CALD1: variants seen among roughly 807,000 people sequenced by gnomAD.
The protein encoded by CALD1 is caldesmon 1, also known as caldesmon.
A neutral mutation model predicts 99.9 loss-of-function variants in CALD1; 33 were observed. The observed-to-expected ratio is 0.33, with a 90% CI of 0.25 to 0.44. The LOEUF (loss-of-function observed/expected upper bound fraction) is 0.44, where lower values mean the gene tolerates loss of function less well. Ranked by LOEUF, CALD1 falls within the 20% of genes least tolerant of loss-of-function variation. The pLI is 1.00. For missense variants in CALD1, 861 were observed against 962.1 expected, an observed-to-expected ratio of 0.89 and a Z score of 1.39; for synonymous variants, 310 against 325.0, an observed-to-expected ratio of 0.95 and a Z score of 0.50.
At chr7:134,883,285 A>G (rs1801691421) in intron 3 of CALD1, among the ~76,000 whole-genome samples, 1 of 152,220 alleles carries the variant, frequency 6.6e-6, no homozygotes, top group African/African-American at 2.4e-5. Flanking sequence ...TCTACTTTGC[A>G]ACATATTTTA....
chr7:134,800,893 G>A (rs6955888), intron 1 of CALD1, among the ~76,000 whole-genome samples: 46,848 of 151,656 alleles, frequency 0.31, 7,564 homozygotes, highest in African/African-American at 0.36. Flanking sequence ...AAAGTATAAT[G>A]AATACACTAT....
chr7:134,716,897 A>AT, the CALD1 span, among the ~76,000 whole-genome samples: 1 of 152,162 alleles, frequency 6.6e-6, no homozygotes, highest in Non-Finnish European at 1.5e-5. Flanking sequence ...CTGGTCTTCG[A>AT]TTTTTTGTGG....
At chr7:134,920,501 A>G in intron 3 of CALD1, 1 of 1,121,408 alleles carries the variant, frequency 8.9e-7, no homozygotes, top group Non-Finnish European at 1.1e-6. Flanking sequence ...TGTGAGCCCC[A>G]GGCATTCTTC....
Position 134,897,429 on chromosome 7 carries a change from G to A in CALD1, c.71+29625G>A, listed in dbSNP as rs558240992. On this transcript the variant is annotated intron_variant, in intron 3 of 14. Transcript: ENST00000361675. The stretch of plus-strand genomic sequence containing the variant: ...ATTTGAAGCAAATATTTCACAAAAC[G>A]GTGCTCACACTTGCTGTGTACAAAG... Among the ~76,000 whole-genome samples, 5 of 149,138 alleles carry A rather than the reference G, an allele frequency of 3.4e-5. No homozygotes were observed. In the South Asian group the frequency reaches 1.1e-3, roughly 31 times the overall value.
At chr7:134,964,104 G>A (rs185162475) in intron 13 of CALD1, among the ~76,000 whole-genome samples, 3 of 152,320 alleles carry the variant, frequency 2.0e-5, no homozygotes, top group Admixed American at 6.5e-5. Context: ...GGCTGAGGCA[G>A]GAGAATCGCT....
chr7:134,767,666 G>A (rs1796839454), intron 1 of CALD1, among the ~76,000 whole-genome samples: 1 of 152,254 alleles, frequency 6.6e-6, no homozygotes, highest in African/African-American at 2.4e-5. Flanking sequence ...TGAACGGGAA[G>A]AGGAAACGTG....
chr7:134,721,985 T>C, the CALD1 span, among the ~76,000 whole-genome samples: 2 of 152,226 alleles, frequency 1.3e-5, no homozygotes, highest in Non-Finnish European at 2.9e-5. Context: ...GGTGGGGTTT[T>C]TCTTTTCATT....
chr7:134,791,714 CCTAA>C (rs1797542271), intron 1 of CALD1, among the ~76,000 whole-genome samples: 1 of 152,202 alleles, frequency 6.6e-6, no homozygotes, highest in Non-Finnish European at 1.5e-5. Flanking sequence ...GTCATCTTCT[CCTAA>C]CTATCATCTT....
chr7:134,829,475 AGAAG>A, intron 1 of CALD1, among the ~76,000 whole-genome samples: 1 of 152,308 alleles, frequency 6.6e-6, no homozygotes, highest in Admixed American at 6.5e-5. Flanking sequence ...TATCCAAGTA[AGAAG>A]TATGCCTTTG....
the CALD1 span, among the ~76,000 whole-genome samples, chr7:134,725,611 G>T: frequency 6.6e-6 from 1 of 152,184 alleles, no homozygotes; most frequent in Admixed American, 6.5e-5. Flanking sequence ...GACCTGAAAG[G>T]ATCAATTTAT....
At position 134,933,207 on chromosome 7, in the gene CALD1, T is replaced by C. The variant is rs1453360861; in HGVS notation, c.438T>C (p.Thr146=). 6.2e-7 allele frequency: 1 copy of C among 1,609,754 alleles called. No homozygotes were observed. Among genetic ancestry groups the C allele is most frequent in the Non-Finnish European group, 8.5e-7 (1 of 1,178,962 alleles). ...AAAATGACACAGCAGAAAATGAAAC[T>C]ACCGAGAAGGAAGAAAAAAGTGAAA... ...RMQNDTAENE[T]TEKEEKSESR... is the part of the protein sequence containing the mutation. Residue 146 remains threonine, a synonymous_variant, in exon 5 of 15, where the codon ACT becomes ACC. Coordinates refer to ENST00000361675, the MANE Select transcript of CALD1 (RefSeq NM_033138.4).
At chr7:134,801,476 G>A (rs145348860) in intron 1 of CALD1, among the ~76,000 whole-genome samples, 1 of 152,304 alleles carries the variant, frequency 6.6e-6, no homozygotes, top group East Asian at 1.9e-4. Context: ...TTTAGAGAGT[G>A]ACTTTGGGTT....
At chr7:134,866,723 C>T (rs11974887) in intron 2 of CALD1, 84,897 of 151,818 alleles carry the variant, frequency 0.56, 24,105 homozygotes, top group East Asian at 0.79. Flanking sequence ...GAAAATATTT[C>T]TGTGATTCGA....
chr7:134,765,591 C>G (rs1002715103), intron 1 of CALD1, among the ~76,000 whole-genome samples: 2 of 152,176 alleles, frequency 1.3e-5, no homozygotes, highest in South Asian at 4.1e-4. Flanking sequence ...GTGTCTCATA[C>G]AGTTATCAAT....
At chr7:134,740,156 CAATT>C (rs994494767), upstream of CALD1, among the ~76,000 whole-genome samples, 1 of 152,042 alleles carries the variant, frequency 6.6e-6, no homozygotes, top group African/African-American at 2.4e-5. Flanking sequence ...TTAGTGGACA[CAATT>C]AAGTATGCTG....
the CALD1 span, among the ~76,000 whole-genome samples, chr7:134,727,148 G>A: frequency 6.6e-6 from 1 of 152,310 alleles, no homozygotes; most frequent in Non-Finnish European, 1.5e-5. Flanking sequence ...TACAGGAAAA[G>A]AAATCTTCTG....
chr7:134,933,285 C>T lies in CALD1; in HGVS notation c.516C>T (p.Tyr172=), dbSNP rs199699530. ...IEETETVTKS[Y]QKNDWRDAEE... ...AAACAGAAACAGTCACCAAGTCCTA[C>T]CAGAAGAATGATTGGAGGGATGCTG... The change falls in exon 5 of 15, where the codon TAC becomes TAT. Residue 172 remains tyrosine, a synonymous_variant. Transcript: ENST00000361675. The T allele has an allele frequency of 5.2e-5, 83 of 1,601,018 alleles. No individual in the cohort carries two copies. Among genetic ancestry groups the T allele is most frequent in the Non-Finnish European group, 6.7e-5 (79 of 1,175,710 alleles).
At chr7:134,817,243 C>A (rs1431327021) in intron 1 of CALD1, among the ~76,000 whole-genome samples, 1 of 152,092 alleles carries the variant, frequency 6.6e-6, no homozygotes, top group Non-Finnish European at 1.5e-5. Flanking sequence ...TGGACATACA[C>A]CCTCTTGAGC....
At chr7:134,774,887 G>A (rs1796905046), upstream of CALD1, among the ~76,000 whole-genome samples, 1 of 152,096 alleles carries the variant, frequency 6.6e-6, no homozygotes, top group South Asian at 2.1e-4. Context: ...TTTTTTTATT[G>A]CTTTACTATC....
Sources: allele counts gnomAD v4.1 joint callset (sites outside exome capture counted in the v4.1 genomes callset), GRCh38; gene constraint gnomAD v4.1.1; transcripts MANE v1.5; gene names NCBI Gene and HGNC (gene_info 2026-07-23, HGNC 2026-07-21).